The following GALNT13 variants were observed in gnomAD, a reference collection of about 807,000 sequenced individuals.
The protein encoded by GALNT13 is polypeptide N-acetylgalactosaminyltransferase 13.
A neutral mutation model predicts 64.2 loss-of-function variants in GALNT13; 28 were observed. The ratio of observed to expected loss-of-function variants is 0.44; its 90% confidence interval spans 0.32 to 0.60. The LOEUF (loss-of-function observed/expected upper bound fraction) is 0.60, where lower values mean the gene tolerates loss of function less well. Ranked by LOEUF, GALNT13 falls within the 20% of genes least tolerant of loss-of-function variation. The pLI, the probability that GALNT13 is intolerant of heterozygous loss-of-function variation, is 0.05. For missense variants in GALNT13, 577 were observed against 669.8 expected (o/e 0.86, Z 1.53); for synonymous variants, 214 against 224.6 (o/e 0.95, Z 0.42).
the GALNT13 span, among the ~76,000 whole-genome samples, chr2:153,224,503 A>T: frequency 1.3e-4 from 17 of 133,316 alleles, no homozygotes; most frequent in East Asian, 4.0e-4. Context: ...AATTTTTTTT[A>T]AAATTGGAGA....
chr2:153,961,905 C>T (rs1692972490), intron 3 of GALNT13, among the ~76,000 whole-genome samples: 1 of 152,192 alleles, frequency 6.6e-6, no homozygotes, highest in Admixed American at 6.5e-5. Flanking sequence ...CTTCTATCTT[C>T]ATCACCTAAA....
At chr2:154,013,122 T>A (rs1271086235) in intron 3 of GALNT13, among the ~76,000 whole-genome samples, 1 of 149,852 alleles carries the variant, frequency 6.7e-6, no homozygotes, top group African/African-American at 2.5e-5. Context: ...AAGAAGACAC[T>A]GGCTTTTTGT....
At chr2:154,376,617 T>C (rs1698008907) in intron 9 of GALNT13, among the ~76,000 whole-genome samples, 1 of 152,164 alleles carries the variant, frequency 6.6e-6, no homozygotes, top group African/African-American at 2.4e-5. Context: ...AAAATTGTAC[T>C]GAATATCTTT....
the GALNT13 span, among the ~76,000 whole-genome samples, chr2:153,643,418 TA>T: frequency 6.6e-6 from 1 of 151,198 alleles, no homozygotes; most frequent in African/African-American, 2.4e-5. Context: ...TTCTGAAAAA[TA>T]TAATTTAACA....
the GALNT13 span, among the ~76,000 whole-genome samples, chr2:153,069,699 G>A: frequency 1.8e-4 from 27 of 152,102 alleles, no homozygotes; most frequent in Non-Finnish European, 2.9e-4. Flanking sequence ...TCCTTTATAC[G>A]AAGGTGATGT....
At chr2:154,417,947 T>G (rs994746712) in intron 11 of GALNT13, among the ~76,000 whole-genome samples, 6 of 152,198 alleles carry the variant, frequency 3.9e-5, no homozygotes, top group Non-Finnish European at 7.3e-5. Context: ...TTTTTTCTCT[T>G]GTTTTTAACT....
intron 8 of GALNT13, among the ~76,000 whole-genome samples, chr2:154,291,670 C>G (rs1172517712): frequency 6.6e-6 from 1 of 152,170 alleles, no homozygotes; most frequent in Non-Finnish European, 1.5e-5. Context: ...AGCTCCTGCC[C>G]GCACCTCTCC....
intron 9 of GALNT13, among the ~76,000 whole-genome samples, chr2:154,339,910 A>G (rs1695664600): frequency 6.6e-6 from 1 of 152,210 alleles, no homozygotes; most frequent in East Asian, 1.9e-4. Flanking sequence ...AGCAGGTGAA[A>G]TATACTGTCA....
chr2:154,357,090 AT>A (rs1260706102), intron 9 of GALNT13, among the ~76,000 whole-genome samples: 1 of 152,012 alleles, frequency 6.6e-6, no homozygotes, highest in East Asian at 1.9e-4. Flanking sequence ...CTATCTTCTA[AT>A]TGCTTTTGTA....
At chr2:153,991,072 C>A (rs1695126784) in intron 3 of GALNT13, among the ~76,000 whole-genome samples, 2 of 152,166 alleles carry the variant, frequency 1.3e-5, no homozygotes, top group Non-Finnish European at 2.9e-5. Flanking sequence ...AGAAGCTGGG[C>A]AGCTTTATAC....
the GALNT13 span, chr2:153,337,795 C>G: frequency 1.8e-4 from 28 of 152,134 alleles, no homozygotes; most frequent in African/African-American, 6.3e-4. Context: ...GTTGATCTAA[C>G]CTAGTTGGAA....
At chr2:153,685,364 A>C in the GALNT13 span, among the ~76,000 whole-genome samples, 1 of 151,884 alleles carries the variant, frequency 6.6e-6, no homozygotes, top group Non-Finnish European at 1.5e-5. Context: ...CATTCTGAGT[A>C]GTGTGAGATG....
the GALNT13 span, among the ~76,000 whole-genome samples, chr2:153,407,476 G>T: frequency 3.3e-5 from 5 of 152,106 alleles, no homozygotes; most frequent in Admixed American, 2.6e-4. Flanking sequence ...GACATCTCAG[G>T]TGATCTTTCT....
chr2:154,246,528 T>A (rs1327549773), intron 7 of GALNT13, among the ~76,000 whole-genome samples: 1 of 152,110 alleles, frequency 6.6e-6, no homozygotes, highest in Non-Finnish European at 1.5e-5. Context: ...AATATGCACT[T>A]ACTTGTAATA....
At chr2:153,804,599 A>T in the GALNT13 span, among the ~76,000 whole-genome samples, 1 of 152,180 alleles carries the variant, frequency 6.6e-6, no homozygotes, top group South Asian at 2.1e-4. Flanking sequence ...TGACTAATTA[A>T]AAGTGAAAAG....
chr2:154,412,461 C>T (rs1699835063), intron 11 of GALNT13, among the ~76,000 whole-genome samples: 3 of 151,720 alleles, frequency 2.0e-5, no homozygotes, highest in Admixed American at 2.0e-4. Context: ...CCATAAAAAT[C>T]ACTCAAGCTT....
chr2:153,198,212 C>T, the GALNT13 span, among the ~76,000 whole-genome samples: 1 of 152,148 alleles, frequency 6.6e-6, no homozygotes, highest in Non-Finnish European at 1.5e-5. Flanking sequence ...TTGCCTGTTG[C>T]TCAGTGGGTG....
chr2:153,117,551 A>G, the GALNT13 span, among the ~76,000 whole-genome samples: 1 of 152,206 alleles, frequency 6.6e-6, no homozygotes, highest in Non-Finnish European at 1.5e-5. Context: ...TTGTTATTCA[A>G]CTTGATGGAT....
At chr2:153,322,982 A>G in the GALNT13 span, among the ~76,000 whole-genome samples, 1 of 152,296 alleles carries the variant, frequency 6.6e-6, no homozygotes, top group South Asian at 2.1e-4. Flanking sequence ...TCTTTATAGT[A>G]GAATGATTTG....
Sources: gnomAD v4.1 joint callset for allele counts (sites outside exome capture counted in the v4.1 genomes callset) on GRCh38, gnomAD v4.1.1 for gene constraint, MANE v1.5 for transcripts, NCBI Gene and HGNC (gene_info 2026-07-23, HGNC 2026-07-21) for gene names.